The following GC variants were observed in gnomAD, a reference collection of about 807,000 sequenced individuals.
GC encodes GC vitamin D binding protein.
In GC, 43 loss-of-function variants were observed where a neutral mutation model predicts 56.7. The observed-to-expected ratio is 0.76, with a 90% CI of 0.59 to 0.98. The LOEUF (loss-of-function observed/expected upper bound fraction) is 0.98. Among genes scored for constraint, GC ranks in the 50% least tolerant of loss-of-function variants. The pLI is 0.00. For synonymous variants in GC, 216 were observed against 202.7 expected (o/e 1.07, Z -0.56); for missense variants, 529 against 545.9 (o/e 0.97, Z 0.31).
rs1560693817 is a variant in GC, at chr4:71,756,641, T to C, written c.1034+71A>G. 5 of 988,800 alleles carry C rather than the reference T, an allele frequency of 5.1e-6. No individual in the cohort carries two copies. The East Asian group carries it at 1.2e-4, about 24-fold the overall frequency. 61.3% of individuals were successfully genotyped at this position (988,800 alleles called of 1,614,324 possible). A position where few individuals can be genotyped will look rare whatever the true frequency, so the allele number is the denominator to read the frequency against. On this transcript the variant is annotated intron_variant, in intron 8 of 12. Coordinates refer to ENST00000273951, the MANE Select transcript of GC (RefSeq NM_000583.4). ...TGAGTGATAGCATACCTTCCCTCCA[T>C]CTGGCTGGCCCCCACTTTTTGTCCA...
chr4:71,767,907 G>T (rs1403979123), intron 3 of GC, among the ~76,000 whole-genome samples: 2 of 151,804 alleles, frequency 1.3e-5, no homozygotes, highest in African/African-American at 4.8e-5. Context: ...GAGAACATAC[G>T]ATATTTGGGT....
intron 1 of GC, among the ~76,000 whole-genome samples, chr4:71,802,573 G>T (rs1296111020): frequency 6.6e-6 from 1 of 152,204 alleles, no homozygotes; most frequent in East Asian, 1.9e-4. Flanking sequence ...AGTTGAAAAT[G>T]CATTTAATAC....
At chr4:71,743,350 C>G (rs974824170) in intron 12 of GC, among the ~76,000 whole-genome samples, 1 of 152,156 alleles carries the variant, frequency 6.6e-6, no homozygotes, top group Non-Finnish European at 1.5e-5. Context: ...TGTGCCACTT[C>G]TGCAGATCAC....
Position 71,767,764 on chromosome 4 carries a change from G to A in GC, c.261+537C>T, listed in dbSNP as rs1346980164. On this transcript the variant is annotated intron_variant, in intron 3 of 12. Coordinates refer to ENST00000273951, the MANE Select transcript of GC (RefSeq NM_000583.4). ...CTGAGATTTTGGTGTACCTATCACCGGAGCCGTGTACAGTGTACCTAATGT... is the reference window on the plus strand; with the variant it reads ...CTGAGATTTTGGTGTACCTATCACCAGAGCCGTGTACAGTGTACCTAATGT... Among the ~76,000 whole-genome samples, 5 of 151,676 alleles carry A rather than the reference G, an allele frequency of 3.3e-5. No individual in the cohort carries two copies. In the South Asian group the frequency reaches 6.2e-4, roughly 19 times the overall value.
chr4:71,764,505 G>A (rs1285506095), intron 4 of GC, among the ~76,000 whole-genome samples: 1 of 152,066 alleles, frequency 6.6e-6, no homozygotes, highest in African/African-American at 2.4e-5. Context: ...TGTCTGGTCA[G>A]GTGCATCACC....
intron 1 of GC, among the ~76,000 whole-genome samples, chr4:71,794,920 G>A (rs1025469815): frequency 6.6e-6 from 1 of 152,124 alleles, no homozygotes; most frequent in Non-Finnish European, 1.5e-5. Context: ...TATTTACCCA[G>A]TAGTCATTCA....
chr4:71,741,904 A>G, intron 12 of GC, 34 bp from the exon 13 acceptor site: 1 of 702,880 alleles, frequency 1.4e-6, no homozygotes, highest in South Asian at 1.5e-5. Flanking sequence ...TTATGTTAGA[A>G]AAACAGAGCT....
intron 3 of GC, among the ~76,000 whole-genome samples, chr4:71,767,195 T>G (rs1742184198): frequency 6.6e-6 from 1 of 152,166 alleles, no homozygotes; most frequent in African/African-American, 2.4e-5. Context: ...TAGAATCTAT[T>G]CTAATCAGAT....
At chr4:71,762,099 A>G (rs748478706) in intron 6 of GC, among the ~76,000 whole-genome samples, 7 of 152,216 alleles carry the variant, frequency 4.6e-5, no homozygotes, top group African/African-American at 1.7e-4. Flanking sequence ...CAGATGCTCA[A>G]TGACAGCCTT....
chr4:71,804,787 G>A (rs560984914), upstream of GC, among the ~76,000 whole-genome samples: 16 of 151,872 alleles, frequency 1.1e-4, no homozygotes, highest in Non-Finnish European at 2.1e-4. Context: ...TTCTAATGCC[G>A]CTTGCCTAAG....
chr4:71,767,991 T>C (rs931154062), intron 3 of GC, among the ~76,000 whole-genome samples: 3 of 152,192 alleles, frequency 2.0e-5, no homozygotes, highest in Non-Finnish European at 4.4e-5. Flanking sequence ...TGTATGGTGA[T>C]AAAAACTTAG....
chr4:71,796,667 A>C (rs1386143283), intron 1 of GC, among the ~76,000 whole-genome samples: 2 of 152,286 alleles, frequency 1.3e-5, no homozygotes, highest in South Asian at 2.1e-4. Flanking sequence ...TACTTCTGTC[A>C]GTTCGTCAAA....
At chr4:71,753,993 A>G (rs934992058) in intron 10 of GC, among the ~76,000 whole-genome samples, 6 of 152,198 alleles carry the variant, frequency 3.9e-5, no homozygotes, top group Non-Finnish European at 8.8e-5. Context: ...CCCACTTGCT[A>G]CACATGACAT....
At chr4:71,778,746 T>A (rs1227777175) in intron 1 of GC, among the ~76,000 whole-genome samples, 1 of 151,794 alleles carries the variant, frequency 6.6e-6, no homozygotes, top group East Asian at 1.9e-4. Context: ...ATAGAGGCTT[T>A]GGATACAGAC....
chr4:71,799,501 G>T (rs1743197028), intron 1 of GC, among the ~76,000 whole-genome samples: 1 of 152,172 alleles, frequency 6.6e-6, no homozygotes, highest in Non-Finnish European at 1.5e-5. Context: ...ACACTGCTGA[G>T]ATTATTTAAA....
chr4:71,782,446 G>C (rs1041638709), intron 1 of GC, among the ~76,000 whole-genome samples: 10 of 151,804 alleles, frequency 6.6e-5, no homozygotes. Flanking sequence ...TATTATGTAT[G>C]TCTCAAGATA....
rs112997551 is a variant in GC at position 71,794,497 on chromosome 4, G to T, written c.21+9429C>A. 1.7e-4 allele frequency among the ~76,000 whole-genome samples: 26 copies of T among 152,164 alleles called. 2 individuals are homozygous for T. Among genetic ancestry groups the T allele is most frequent in the African/African-American group, 6.3e-4 (26 of 41,516 alleles). On this transcript the variant is annotated intron_variant, in intron 1 of 13. Transcript: ENST00000504199. ...AGTTTGTATTTCTGTGGGATTGGTGGTGATATCCCCTTTATCATATTTTAT... is the reference window on the plus strand; with the variant it reads ...AGTTTGTATTTCTGTGGGATTGGTGTTGATATCCCCTTTATCATATTTTAT...
chr4:71,788,522 A>G (rs979055855), upstream of GC, among the ~76,000 whole-genome samples: 1 of 151,848 alleles, frequency 6.6e-6, no homozygotes, highest in African/African-American at 2.4e-5. Context: ...CAAACTGCCA[A>G]ATAACCATAA....
chr4:71,758,766 A>T (rs561244742), intron 6 of GC, among the ~76,000 whole-genome samples: 201 of 152,270 alleles, frequency 1.3e-3, no homozygotes, highest in African/African-American at 4.3e-3. Flanking sequence ...ATATTATTTT[A>T]AAAAATTGTG....
Sources: allele counts gnomAD v4.1 joint callset (sites outside exome capture counted in the v4.1 genomes callset), GRCh38; gene constraint gnomAD v4.1.1; transcripts MANE v1.5; gene names NCBI Gene and HGNC (gene_info 2026-07-23, HGNC 2026-07-21).